The following CNGB3 variants were observed in gnomAD, a reference collection of about 807,000 sequenced individuals.
The protein encoded by CNGB3 is cyclic nucleotide-gated channel beta-3.
CNGB3 carries 86 observed loss-of-function variants against 92.8 expected under a neutral mutation model. The observed-to-expected ratio is 0.93, with a 90% CI of 0.78 to 1.11. CNGB3 has a LOEUF of 1.11. Ranked by LOEUF, CNGB3 falls within the 50% of genes least tolerant of loss-of-function variation. The pLI is 0.00. For synonymous variants in CNGB3, 333 were observed against 332.7 expected (o/e 1.00, Z -0.01); for missense variants, 1,026 against 956.8 (o/e 1.07, Z -0.95).
intron 15 of CNGB3, among the ~76,000 whole-genome samples, chr8:86,595,387 G>A (rs1267179936): frequency 6.6e-6 from 1 of 152,202 alleles, no homozygotes; most frequent in East Asian, 1.9e-4. Context: ...ACTTTAGGAG[G>A]AATCCTGAGG....
chr8:86,638,087 A>G (rs1361950944), intron 10 of CNGB3, among the ~76,000 whole-genome samples: 1 of 152,120 alleles, frequency 6.6e-6, no homozygotes, highest in African/African-American at 2.4e-5. Flanking sequence ...TATTCATTGT[A>G]TCTTTATACC....
In CNGB3 at chr8:86,671,068, A is replaced by T; in HGVS notation, c.369T>A (p.Val123=). ...GCTGGGCATCGGCATACTCATTTATAACAGGAGCTGCAGGCGGTTTGTTTT... is the reference window on the plus strand; with the variant it reads ...GCTGGGCATCGGCATACTCATTTATTACAGGAGCTGCAGGCGGTTTGTTTT... The part of the protein sequence containing the change: ...SPQNKPPAAP[V]INEYADAQLH... Residue 123 remains valine (V), a synonymous_variant, in exon 4 of 18, where the codon GTT becomes GTA. Coordinates refer to ENST00000320005, the MANE Select transcript of CNGB3 (RefSeq NM_019098.5). 2 of 1,614,028 alleles carry T rather than the reference A, an allele frequency of 1.2e-6. No homozygotes were observed. The highest frequency in any genetic ancestry group is 1.1e-5 in the South Asian group (1 of 91,078).
At chr8:86,581,667 C>T (rs1443226549) in intron 15 of CNGB3, among the ~76,000 whole-genome samples, 1 of 152,138 alleles carries the variant, frequency 6.6e-6, no homozygotes, top group African/African-American at 2.4e-5. Flanking sequence ...AATGTCACAG[C>T]ATTGGGAAAT....
In CNGB3 at chr8:86,743,552, G is replaced by A. The variant is rs752014086; in HGVS notation, c.76C>T (p.Arg26Trp). The A allele has an allele frequency of 8.6e-5, 138 of 1,613,810 alleles. No individual in the cohort carries two copies. Among genetic ancestry groups the A allele is most frequent in the Non-Finnish European group, 1.1e-4 (124 of 1,179,876 alleles). ...CTTGGGTGAGAGCCTTCTTCATTCC[G>A]ACGAGAACTTTGTTCATTCTCATTG... is the stretch of plus-strand genomic sequence containing the variant. ...ENNENEQSSR[R>W]NEEGSHPSNQ... The change falls in exon 1 of 18, where the codon CGG (arginine) becomes TGG (tryptophan). Residue 26 changes from arginine to tryptophan, a missense_variant. Coordinates refer to ENST00000320005, the MANE Select transcript of CNGB3 (RefSeq NM_019098.5).
chr8:86,632,994 A>G (rs1822992259), intron 10 of CNGB3, 101 bp from the exon 11 acceptor site: 1 of 1,104,128 alleles, frequency 9.1e-7, no homozygotes, highest in Non-Finnish European at 1.3e-6. Context: ...CAAATTTCCT[A>G]CTAATCAAGA....
At chr8:86,605,355 C>G (rs12550166) in intron 14 of CNGB3, among the ~76,000 whole-genome samples, 127 of 152,188 alleles carry the variant, frequency 8.3e-4, no homozygotes, top group Admixed American at 3.9e-3. Context: ...TCAAGAAAGG[C>G]TGTTAAACTC....
chr8:86,695,093 G>A (rs1824423259), intron 3 of CNGB3, among the ~76,000 whole-genome samples: 1 of 152,320 alleles, frequency 6.6e-6, no homozygotes, highest in African/African-American at 2.4e-5. Context: ...TAAGGAGCTG[G>A]AGACCAGCCT....
chr8:86,595,427 C>T (rs1180350356), intron 15 of CNGB3, among the ~76,000 whole-genome samples: 1 of 152,182 alleles, frequency 6.6e-6, no homozygotes, highest in African/African-American at 2.4e-5. Flanking sequence ...AGCAATGACA[C>T]TGATTGTATA....
At chr8:86,675,184 AC>A (rs1201065253) in intron 3 of CNGB3, among the ~76,000 whole-genome samples, 3 of 151,804 alleles carry the variant, frequency 2.0e-5, no homozygotes, top group African/African-American at 7.3e-5. Flanking sequence ...TTGGTCTAGA[AC>A]TCCTGACCTC....
intron 3 of CNGB3, among the ~76,000 whole-genome samples, chr8:86,679,157 T>A (rs1044146984): frequency 2.0e-5 from 3 of 152,194 alleles, no homozygotes; most frequent in African/African-American, 7.2e-5. Context: ...ATATTTATTG[T>A]GCACTTATTT....
intron 3 of CNGB3, among the ~76,000 whole-genome samples, chr8:86,694,479 C>G (rs547616135): frequency 5.3e-5 from 8 of 151,164 alleles, no homozygotes. Context: ...GGCTGCCGGA[C>G]GGAGGGTCTC....
chr8:86,629,717 AC>A (rs1475688423), intron 11 of CNGB3, among the ~76,000 whole-genome samples: 1 of 152,192 alleles, frequency 6.6e-6, no homozygotes, highest in Non-Finnish European at 1.5e-5. Flanking sequence ...TGCTGAAATT[AC>A]TGAAGCATCA....
At chr8:86,605,880 C>T (rs1259720789) in intron 14 of CNGB3, among the ~76,000 whole-genome samples, 20 of 152,126 alleles carry the variant, frequency 1.3e-4, no homozygotes, top group Admixed American at 1.3e-3. Context: ...CAGACTCCAC[C>T]TTTTAGTTAA....
At chr8:86,699,934 T>C (rs544875478) in intron 3 of CNGB3, among the ~76,000 whole-genome samples, 5 of 152,124 alleles carry the variant, frequency 3.3e-5, no homozygotes, top group Non-Finnish European at 4.4e-5. Flanking sequence ...CTTTCCTCCC[T>C]CTATCATCCA....
At chr8:86,586,414 C>A (rs1335361364) in intron 15 of CNGB3, among the ~76,000 whole-genome samples, 1 of 151,080 alleles carries the variant, frequency 6.6e-6, no homozygotes, top group Non-Finnish European at 1.5e-5. Flanking sequence ...TATACATGTG[C>A]CATGCTGGTG....
intron 8 of CNGB3, among the ~76,000 whole-genome samples, chr8:86,647,309 T>C (rs924439134): frequency 3.3e-5 from 5 of 150,960 alleles, no homozygotes; most frequent in African/African-American, 9.7e-5. Context: ...GATGTGAAAG[T>C]ATGTGCTCAC....
At chr8:86,578,577 A>C in intron 17 of CNGB3, 112 bp downstream of exon 17, 1 of 996,228 alleles carries the variant, frequency 1.0e-6, no homozygotes, top group Non-Finnish European at 1.6e-6. Flanking sequence ...TTAGTATTAG[A>C]TTAGTCCAAA....
At chr8:86,740,766 G>T (rs548935617) in intron 1 of CNGB3, among the ~76,000 whole-genome samples, 1 of 152,176 alleles carries the variant, frequency 6.6e-6, no homozygotes, top group South Asian at 2.1e-4. Context: ...TATACATTAG[G>T]CAAGGCAGCT....
chr8:86,621,659 T>A (rs1822729824), intron 13 of CNGB3, among the ~76,000 whole-genome samples: 1 of 152,106 alleles, frequency 6.6e-6, no homozygotes, highest in Non-Finnish European at 1.5e-5. Flanking sequence ...TCCCTGAGTC[T>A]CCAAAGTCCA....
Sources: allele counts gnomAD v4.1 joint callset (sites outside exome capture counted in the v4.1 genomes callset), GRCh38; gene constraint gnomAD v4.1.1; transcripts MANE v1.5; gene names NCBI Gene and HGNC (gene_info 2026-07-23, HGNC 2026-07-21).